DPH6: variants seen among roughly 807,000 people sequenced by gnomAD.
DPH6 encodes diphthamine biosynthesis 6.
Under a neutral mutation model 38.2 loss-of-function variants are expected in DPH6, and 33 were observed. The observed-to-expected ratio is 0.86, with a 90% confidence interval of 0.65 to 1.15. The LOEUF (loss-of-function observed/expected upper bound fraction) is 1.15, where lower values mean the gene tolerates loss of function less well. Among genes scored for constraint, DPH6 ranks in the 50% most tolerant of loss-of-function variants. The pLI is 0.00. For missense variants in DPH6, 325 were observed against 320.0 expected (o/e 1.02, Z -0.12); for synonymous variants, 108 against 103.0 (o/e 1.05, Z -0.30).
intron 3 of DPH6, among the ~76,000 whole-genome samples, chr15:35,509,054 C>T (rs1469444342): frequency 6.6e-6 from 1 of 152,280 alleles, no homozygotes; most frequent in Non-Finnish European, 1.5e-5. Flanking sequence ...GCTTGCTACA[C>T]AATGTAATTT....
At chr15:35,412,580 T>A (rs1419454718) in intron 5 of DPH6, among the ~76,000 whole-genome samples, 1 of 151,754 alleles carries the variant, frequency 6.6e-6, no homozygotes, top group Non-Finnish European at 1.5e-5. Context: ...AGCACCAAAA[T>A]GTATTTCAGT....
rs2051911024 is a variant in DPH6, at chr15:35,283,038, CTT to C, written n.201-62458_201-62457del. The C allele has an allele frequency of 2.9e-5, 5 of 173,922 alleles. No homozygotes were observed. The Admixed American group carries it at 3.1e-4, about 11-fold the overall frequency. The allele number at this position is 173,922 out of a possible 1,614,324, so 10.8% of individuals were successfully genotyped here. A position where few individuals can be genotyped will look rare whatever the true frequency, so the allele number is the denominator to read the frequency against. On this transcript the variant is annotated intron_variant and non_coding_transcript_variant, in intron 3 of 3. Coordinates refer to the DPH6 transcript ENST00000560386. ...CCTCTTCCTCTTCTTCCTTCTTCTT[CTT>C]CTTCTTCCTTCTTCTTCCTTCTTCT...
At chr15:35,472,013 T>C (rs1400345315) in intron 3 of DPH6, among the ~76,000 whole-genome samples, 1 of 152,182 alleles carries the variant, frequency 6.6e-6, no homozygotes, top group Non-Finnish European at 1.5e-5. Context: ...CGTTGTGCTT[T>C]AGCTGCGTTG....
At chr15:35,365,357 C>A (rs1327969946) in intron 3 of DPH6, among the ~76,000 whole-genome samples, 1 of 152,124 alleles carries the variant, frequency 6.6e-6, no homozygotes, top group African/African-American at 2.4e-5. Flanking sequence ...CACTATTGTA[C>A]ACCCAATGTC....
At chr15:35,360,652 A>G (rs2052606543) in intron 3 of DPH6, among the ~76,000 whole-genome samples, 1 of 152,224 alleles carries the variant, frequency 6.6e-6, no homozygotes, top group Non-Finnish European at 1.5e-5. Context: ...TTCAAGGTCT[A>G]TAGCCAGATA....
chr15:35,333,342 T>A (rs1566872330), intron 3 of DPH6, among the ~76,000 whole-genome samples: 1 of 152,074 alleles, frequency 6.6e-6, no homozygotes, highest in Non-Finnish European at 1.5e-5. Flanking sequence ...ACAAAAGGCA[T>A]AGAGTTAGGC....
At chr15:35,537,755 C>A (rs1196127488) in intron 3 of DPH6, among the ~76,000 whole-genome samples, 1 of 152,118 alleles carries the variant, frequency 6.6e-6, no homozygotes, top group African/African-American at 2.4e-5. Context: ...ACCTCCACAG[C>A]TATGCCCTGC....
chr15:35,151,942 T>C, the DPH6 span, among the ~76,000 whole-genome samples: 1 of 152,216 alleles, frequency 6.6e-6, no homozygotes, highest in Non-Finnish European at 1.5e-5. Flanking sequence ...TGAAGAAATT[T>C]ATTCCTTGAT....
chr15:35,354,227 C>G (rs1206346202), intron 3 of DPH6, among the ~76,000 whole-genome samples: 2 of 152,184 alleles, frequency 1.3e-5, no homozygotes, highest in African/African-American at 4.8e-5. Flanking sequence ...CATCTGCAAA[C>G]AGGGACAATT....
At chr15:35,160,027 T>C in the DPH6 span, among the ~76,000 whole-genome samples, 218 of 151,950 alleles carry the variant, frequency 1.4e-3, no homozygotes, top group African/African-American at 5.1e-3. Context: ...ATGGAAACAA[T>C]AGACTGGAGA....
intron 6 of DPH6, among the ~76,000 whole-genome samples, chr15:35,383,725 T>C (rs900118033): frequency 5.9e-5 from 9 of 152,186 alleles, no homozygotes; most frequent in Admixed American, 2.6e-4. Flanking sequence ...CCTTACAATA[T>C]CTTCTGTGGC....
chr15:35,489,017 T>G (rs1159288870), intron 3 of DPH6, among the ~76,000 whole-genome samples: 1 of 152,208 alleles, frequency 6.6e-6, no homozygotes, highest in African/African-American at 2.4e-5. Context: ...ACTCCTTATC[T>G]ATTTACCACT....
At chr15:35,156,710 C>T in the DPH6 span, among the ~76,000 whole-genome samples, 1 of 152,072 alleles carries the variant, frequency 6.6e-6, no homozygotes, top group Non-Finnish European at 1.5e-5. Flanking sequence ...TTCTCTTTTC[C>T]CTTTGCCCCA....
At chr15:35,447,782 A>G (rs2053874901) in intron 5 of DPH6, among the ~76,000 whole-genome samples, 1 of 151,744 alleles carries the variant, frequency 6.6e-6, no homozygotes, top group African/African-American at 2.4e-5. Context: ...GCCTAGGACC[A>G]TTGGATCAGG....
intron 5 of DPH6, among the ~76,000 whole-genome samples, chr15:35,432,715 A>C (rs2141036061): frequency 6.6e-6 from 1 of 152,330 alleles, no homozygotes; most frequent in South Asian, 2.1e-4. Flanking sequence ...GGAAGAAATG[A>C]AAATATATAC....
At chr15:35,434,333 A>C (rs531614298) in intron 5 of DPH6, among the ~76,000 whole-genome samples, 63 of 152,194 alleles carry the variant, frequency 4.1e-4, no homozygotes, top group Non-Finnish European at 7.6e-4. Flanking sequence ...ACCTTTGAAA[A>C]GATTAAAGCT....
chr15:35,503,361 C>T (rs1169160457), intron 3 of DPH6, among the ~76,000 whole-genome samples: 1 of 152,024 alleles, frequency 6.6e-6, no homozygotes, highest in Non-Finnish European at 1.5e-5. Context: ...CACCTGGACT[C>T]AGGGCAGTTT....
At chr15:35,237,566 G>C in intron 3 of DPH6, 1 of 1,560,828 alleles carries the variant, frequency 6.4e-7, no homozygotes, top group East Asian at 2.2e-5. Context: ...GGGGGGCGTG[G>C]AAGCATTGGC....
At chr15:35,518,483 C>CTGTTT (rs904801192) in intron 3 of DPH6, among the ~76,000 whole-genome samples, 1 of 151,930 alleles carries the variant, frequency 6.6e-6, no homozygotes, top group Non-Finnish European at 1.5e-5. Context: ...TTTTAAACTC[C>CTGTTT]TGTTTTGTTT....
Sources: allele counts gnomAD v4.1 joint callset (sites outside exome capture counted in the v4.1 genomes callset), GRCh38; gene constraint gnomAD v4.1.1; transcripts MANE v1.5; gene names NCBI Gene and HGNC (gene_info 2026-07-23, HGNC 2026-07-21).